The following ZNF536 variants were observed in gnomAD, a reference collection of about 807,000 sequenced individuals.
ZNF536 encodes zinc finger protein 536.
A neutral mutation model predicts 84.5 loss-of-function variants in ZNF536; 13 were observed. The ratio of observed to expected loss-of-function variants is 0.15; its 90% CI spans 0.10 to 0.24. The LOEUF is 0.24. ZNF536 is among the 10% of genes least tolerant of loss of function. The pLI, the probability that ZNF536 is intolerant of heterozygous loss-of-function variation, is 1.00. For missense variants in ZNF536, 1,536 were observed against 1,747.5 expected, an observed-to-expected ratio of 0.88 and a Z score of 2.16; for synonymous variants, 811 against 742.5, an observed-to-expected ratio of 1.09 and a Z score of -1.50.
intron 2 of ZNF536, among the ~76,000 whole-genome samples, chr19:30,298,522 A>G (rs535728837): frequency 3.6e-4 from 55 of 152,328 alleles, no homozygotes; most frequent in African/African-American, 1.3e-3. Flanking sequence ...TGGGCTGTTG[A>G]AAGATCTTTG....
chr19:30,508,816 C>CTTT (rs2055278656), intron 2 of ZNF536, among the ~76,000 whole-genome samples: 5 of 113,980 alleles, frequency 4.4e-5, no homozygotes, highest in African/African-American at 1.3e-4. Flanking sequence ...TTCTTTCTTT[C>CTTT]TTTCTTTTTT....
chr19:30,702,179 T>C (rs1014280169), intron 1 of ZNF536, among the ~76,000 whole-genome samples: 45 of 152,224 alleles, frequency 3.0e-4, no homozygotes, highest in African/African-American at 9.9e-4. Flanking sequence ...AGAGCAGATA[T>C]TTCCATCCTA....
intron 1 of ZNF536, among the ~76,000 whole-genome samples, chr19:30,424,663 G>A (rs1462094959): frequency 2.0e-5 from 3 of 152,134 alleles, no homozygotes; most frequent in South Asian, 2.1e-4. Flanking sequence ...TGCTGAGAGG[G>A]AACTTATTAA....
rs924214622 is a variant in ZNF536, at chr19:30,443,634, C to A, written c.72C>A (p.Pro24=). The change falls in exon 2 of 5, where the codon CCC becomes CCA. Residue 24 remains proline, a synonymous_variant. Coordinates refer to ENST00000355537, the MANE Select transcript of ZNF536 (RefSeq NM_014717.3). The part of the protein sequence containing the change: ...EPEAEPHLSG[P]VLNGQYAMSQ... ...AAGCTGAGCCCCACCTGAGTGGCCC[C>A]GTCCTCAACGGCCAGTATGCCATGA... The A allele has an allele frequency of 6.2e-7, 1 of 1,611,158 alleles. No individual in the cohort carries two copies. The highest frequency in any genetic ancestry group is 1.3e-5 in the African/African-American group (1 of 75,018).
intron 2 of ZNF536, among the ~76,000 whole-genome samples, chr19:30,493,666 T>C (rs1466730800): frequency 2.0e-5 from 3 of 152,146 alleles, no homozygotes. Context: ...TAGAAGTAGA[T>C]AAAAGTTTGG....
intron 2 of ZNF536, among the ~76,000 whole-genome samples, chr19:30,518,452 A>G (rs141785803): frequency 1.6e-4 from 24 of 152,358 alleles, no homozygotes; most frequent in Admixed American, 3.3e-4. Flanking sequence ...GCTCTAACAC[A>G]TAGATGAGGA....
chr19:30,383,758 TCTTTC>T (rs1568376940), intron 1 of ZNF536, among the ~76,000 whole-genome samples: 16 of 3,940 alleles, frequency 4.1e-3, no homozygotes, highest in Middle Eastern at 0.083. Context: ...TCTTTCTTTC[TCTTTC>T]TTTCTTTCTT....
chr19:30,416,562 G>T (rs543943626), intron 1 of ZNF536, among the ~76,000 whole-genome samples: 1 of 152,106 alleles, frequency 6.6e-6, no homozygotes, highest in East Asian at 1.9e-4. Context: ...GGGGTGTGTG[G>T]GCAGGAAAAT....
intron 1 of ZNF536, among the ~76,000 whole-genome samples, chr19:30,628,231 G>A (rs1266321137): frequency 6.6e-6 from 1 of 152,180 alleles, no homozygotes; most frequent in Non-Finnish European, 1.5e-5. Context: ...GGGAGAGCCT[G>A]GGACCAGAGG....
At chr19:30,691,796 G>A (rs997491490) in intron 1 of ZNF536, among the ~76,000 whole-genome samples, 16 of 152,222 alleles carry the variant, frequency 1.1e-4, no homozygotes, top group African/African-American at 3.9e-4. Context: ...CAGTTACGAG[G>A]CAGATGTGTT....
intron 1 of ZNF536, among the ~76,000 whole-genome samples, chr19:30,660,524 A>G (rs1326458357): frequency 6.6e-6 from 1 of 152,254 alleles, no homozygotes; most frequent in African/African-American, 2.4e-5. Context: ...GCCCCAAAAT[A>G]AATATATAAC....
intron 1 of ZNF536, among the ~76,000 whole-genome samples, chr19:30,379,772 A>T (rs1271222089): frequency 6.6e-6 from 1 of 151,958 alleles, no homozygotes; most frequent in Non-Finnish European, 1.5e-5. Context: ...GGGATGCTGT[A>T]AGGGGTGCTG....
At chr19:30,711,495 C>G (rs1454115282) in exon 2 of ZNF536, 1 of 152,194 alleles carries the variant, frequency 6.6e-6, no homozygotes, top group Admixed American at 6.5e-5. Flanking sequence ...GCTGCGGTGC[C>G]AGTCAGACTG....
intron 1 of ZNF536, among the ~76,000 whole-genome samples, chr19:30,275,224 C>A (rs1219622454): frequency 2.0e-5 from 3 of 152,146 alleles, no homozygotes; most frequent in Non-Finnish European, 4.4e-5. Context: ...TGGAAATCCA[C>A]CAGCTTGGCA....
In ZNF536 at chr19:30,543,853, AGCAC is replaced by A. The variant is rs530927626; in HGVS notation, c.2324-4089_2324-4086del. On this transcript the variant is annotated intron_variant, in intron 3 of 4. Transcript: ENST00000355537. ...GAAACAGCTGGGATGTTTCCAGTGG[AGCAC>A]AAGACCCTGGGGCTGCTGGGGCTCT... Among the ~76,000 whole-genome samples the A allele has an allele frequency of 1.7e-3, 260 of 152,088 alleles. 4 individuals are homozygous for A. The highest frequency in any genetic ancestry group is 6.0e-3 in the African/African-American group (250 of 41,488).
At chr19:30,523,003 A>G (rs890489931) in intron 2 of ZNF536, among the ~76,000 whole-genome samples, 1 of 151,038 alleles carries the variant, frequency 6.6e-6, no homozygotes, top group Admixed American at 6.6e-5. Context: ...ATTGTTTTTT[A>G]CTGTTAACTT....
chr19:30,244,171 G>A (rs1333600681), intron 1 of ZNF536, among the ~76,000 whole-genome samples: 1 of 152,074 alleles, frequency 6.6e-6, no homozygotes, highest in African/African-American at 2.4e-5. Flanking sequence ...TATTGACTGG[G>A]GCCACGTGAT....
At chr19:30,395,117 A>C (rs1248139933) in intron 1 of ZNF536, among the ~76,000 whole-genome samples, 1 of 152,230 alleles carries the variant, frequency 6.6e-6, no homozygotes, top group Non-Finnish European at 1.5e-5. Flanking sequence ...CGTTGTGTAC[A>C]AAGGGACAAT....
At chr19:30,418,677 A>G (rs976210242) in intron 1 of ZNF536, among the ~76,000 whole-genome samples, 4 of 152,292 alleles carry the variant, frequency 2.6e-5, no homozygotes, top group African/African-American at 9.6e-5. Flanking sequence ...CCGGGGTTGG[A>G]AGGGTGTCTA....
Sources: allele counts gnomAD v4.1 joint callset (sites outside exome capture counted in the v4.1 genomes callset), GRCh38; gene constraint gnomAD v4.1.1; transcripts MANE v1.5; gene names NCBI Gene and HGNC (gene_info 2026-07-23, HGNC 2026-07-21).